DMD: variants seen among roughly 807,000 people sequenced by gnomAD.
The protein encoded by DMD is mutant dystrophin.
DMD carries 63 observed loss-of-function variants against 330.1 expected under a neutral mutation model. That is an observed-to-expected ratio of 0.19 (90% CI 0.16 to 0.24). The LOEUF is 0.24. Ranked by LOEUF, DMD falls within the 10% of genes least tolerant of loss-of-function variation. The probability of loss-of-function intolerance (pLI) is 1.00; values close to 1 mark genes in which losing one functional copy is unlikely to be tolerated. For synonymous variants in DMD, 1,223 were observed against 959.8 expected, an observed-to-expected ratio of 1.27 and a Z score of -5.07; for missense variants, 3,344 against 2,684.1, an observed-to-expected ratio of 1.25 and a Z score of -5.43.
intron 2 of DMD, among the ~76,000 whole-genome samples, chrX:32,976,192 G>T (rs2092544664): frequency 1.0e-5 from 1 of 98,309 alleles, no homozygotes; most frequent in African/African-American, 3.8e-5. Context: ...CTGCACTCCA[G>T]CTTTGGTAAT....
In DMD at chrX:32,951,381, T is replaced by C. The variant is rs190468623; in HGVS notation, c.93+68758A>G. Reference sequence around the variant, plus strand: ...TATAATTTTAAGGGGAAAATATCAATATTTGAAGAAAACAAGTGTGCTGGA... The same window carrying C: ...TATAATTTTAAGGGGAAAATATCAACATTTGAAGAAAACAAGTGTGCTGGA... On this transcript the variant is annotated intron_variant, in intron 2 of 78. Coordinates refer to ENST00000357033, the MANE Select transcript of DMD (RefSeq NM_004006.3). Among the ~76,000 whole-genome samples, 10 of 112,050 alleles carry C rather than the reference T, an allele frequency of 8.9e-5. No individual in the cohort carries two copies. In the East Asian group the frequency reaches 2.8e-3, roughly 32 times the overall value.
Position 31,120,890 on chromosome X carries a change from A to ATT in DMD, c.*1028_*1029insAA, listed in dbSNP as rs2032340175. 2 of 111,456 alleles carry ATT rather than the reference A, an allele frequency of 1.8e-5. No individual in the cohort carries two copies. Among genetic ancestry groups the ATT allele is most frequent in the African/African-American group, 6.6e-5 (2 of 30,391 alleles). The allele number at this position is 111,456 out of a possible 1,213,427, so 9.2% of individuals were successfully genotyped here. On this transcript the variant is annotated 3_prime_UTR_variant, in exon 79 of 79. Transcript: ENST00000357033. Reference sequence around the variant, plus strand: ...GTATCAATCAATCAATCAATCAACCAACCAACCGATTACTCACTCTGATAT... The same window carrying ATT: ...GTATCAATCAATCAATCAATCAACCATTACCAACCGATTACTCACTCTGATAT...
At chrX:31,865,036 T>G (rs2093774850) in intron 48 of DMD, among the ~76,000 whole-genome samples, 1 of 112,304 alleles carries the variant, frequency 8.9e-6, no homozygotes, top group Non-Finnish European at 1.9e-5. Flanking sequence ...GGATTCAAAC[T>G]TAGTCTTTTG....
intron 60 of DMD, among the ~76,000 whole-genome samples, chrX:31,414,779 C>T (rs1168794842): frequency 8.9e-6 from 1 of 112,080 alleles, no homozygotes; most frequent in African/African-American, 3.2e-5. Flanking sequence ...GGGATTTCTA[C>T]AATCCTTGGG....
At chrX:32,567,111 G>A (rs1021940023) in intron 15 of DMD, among the ~76,000 whole-genome samples, 5 of 111,505 alleles carry the variant, frequency 4.5e-5, no homozygotes, top group African/African-American at 1.6e-4. Context: ...CATGGCACCT[G>A]CATTGATAGC....
At chrX:31,719,043 TA>T (rs2085276539) in intron 52 of DMD, among the ~76,000 whole-genome samples, 3 of 111,735 alleles carry the variant, frequency 2.7e-5, no homozygotes, top group Non-Finnish European at 5.6e-5. Flanking sequence ...ACTAAAGAAA[TA>T]AAGGCCAAAG....
intron 48 of DMD, among the ~76,000 whole-genome samples, chrX:31,852,030 G>A (rs2093536383): frequency 9.0e-6 from 1 of 110,967 alleles, no homozygotes; most frequent in South Asian, 3.9e-4. Context: ...CAGGGTGAGT[G>A]GAATCTAGTG....
intron 7 of DMD, among the ~76,000 whole-genome samples, chrX:32,717,138 A>G (rs951999081): frequency 4.5e-5 from 5 of 111,815 alleles, no homozygotes; most frequent in East Asian, 2.8e-4. Context: ...GGAAATTTGC[A>G]TAAGTAAAAA....
At position 31,991,124 on chromosome X, in the gene DMD, C is replaced by T. The variant is rs111363988; in HGVS notation, c.6439-22610G>A. On this transcript the variant is annotated intron_variant, in intron 44 of 78. Coordinates refer to ENST00000357033, the MANE Select transcript of DMD (RefSeq NM_004006.3). ...TGCAAGAACACAGGGGGATTTATGACGCATAATATTGAGATTATATTAAAA... is the reference window on the plus strand; with the variant it reads ...TGCAAGAACACAGGGGGATTTATGATGCATAATATTGAGATTATATTAAAA... Among the ~76,000 whole-genome samples, 787 of 111,449 alleles carry T rather than the reference C, an allele frequency of 7.1e-3. 7 individuals are homozygous for T. Among genetic ancestry groups the T allele is most frequent in the African/African-American group, 0.02 (622 of 30,736 alleles).
chrX:31,371,990 T>C (rs192993830), intron 60 of DMD, among the ~76,000 whole-genome samples: 22 of 111,893 alleles, frequency 2.0e-4, no homozygotes, highest in Non-Finnish European at 3.2e-4. Flanking sequence ...AGAAAGTAGT[T>C]GTTAGAATTA....
intron 55 of DMD, among the ~76,000 whole-genome samples, chrX:31,528,456 T>C (rs1389019694): frequency 8.9e-6 from 1 of 111,803 alleles, no homozygotes; most frequent in Admixed American, 9.5e-5. Flanking sequence ...TACATACGTA[T>C]AGTCACATGG....
intron 30 of DMD, among the ~76,000 whole-genome samples, chrX:32,409,234 A>AT (rs2098132179): frequency 9.0e-6 from 1 of 111,566 alleles, no homozygotes; most frequent in Non-Finnish European, 1.9e-5. Context: ...ATGTATTACC[A>AT]TTGGGGAGAC....
At chrX:32,329,074 C>T (rs899790780) in intron 41 of DMD, among the ~76,000 whole-genome samples, 3 of 111,642 alleles carry the variant, frequency 2.7e-5, no homozygotes, top group Non-Finnish European at 5.6e-5. Flanking sequence ...AATACCTGCT[C>T]TGTGATAGAC....
chrX:32,855,060 A>G (rs2081431248), intron 2 of DMD, among the ~76,000 whole-genome samples: 1 of 112,199 alleles, frequency 8.9e-6, no homozygotes, highest in African/African-American at 3.2e-5. Flanking sequence ...TCGTATGAAC[A>G]GAATGAAGGA....
At position 32,796,073 on chromosome X, in the gene DMD, T is replaced by C. The variant is rs143538815; in HGVS notation, c.649+13420A>G. On this transcript the variant is annotated intron_variant, in intron 7 of 78. Coordinates refer to ENST00000357033, the MANE Select transcript of DMD (RefSeq NM_004006.3). ...AGAAGATTTCTCAAAAAACTAAACA[T>C]AGAAATAGAGTATGTGTCAGCAATG... is the stretch of plus-strand genomic sequence containing the variant. Among the ~76,000 whole-genome samples, 220 of 107,649 alleles carry C rather than the reference T, an allele frequency of 2.0e-3. 5 individuals are homozygous for C. The East Asian group carries it at 0.048, about 23-fold the overall frequency. 93.5% of individuals were successfully genotyped at this position (107,649 alleles called of 115,157 possible).
At chrX:31,242,698 A>ATGTGTGTG (rs1491232873) in intron 63 of DMD, among the ~76,000 whole-genome samples, 1 of 66,990 alleles carries the variant, frequency 1.5e-5, no homozygotes, top group Non-Finnish European at 2.8e-5. Flanking sequence ...CAACAATAAG[A>ATGTGTGTG]TATGTGTGTG....
chrX:31,502,518 A>G (rs1346480933), intron 56 of DMD, among the ~76,000 whole-genome samples: 2 of 111,247 alleles, frequency 1.8e-5, no homozygotes, highest in Admixed American at 9.6e-5. Flanking sequence ...GCACTCCCCA[A>G]TAGATTTATG....
chrX:31,768,991 C>T (rs1178477560), intron 51 of DMD, among the ~76,000 whole-genome samples: 1 of 111,903 alleles, frequency 8.9e-6, no homozygotes, highest in Non-Finnish European at 1.9e-5. Context: ...ATATAATTCA[C>T]TTAGTAAAAA....
At chrX:33,086,860 T>C (rs1337465323) in intron 1 of DMD, among the ~76,000 whole-genome samples, 1 of 109,849 alleles carries the variant, frequency 9.1e-6, no homozygotes, top group Non-Finnish European at 1.9e-5. Context: ...GGGGGTTTTG[T>C]TTGTCCAATA....
Sources: gnomAD v4.1 joint callset for allele counts (sites outside exome capture counted in the v4.1 genomes callset) on GRCh38, gnomAD v4.1.1 for gene constraint, MANE v1.5 for transcripts, NCBI Gene and HGNC (gene_info 2026-07-23, HGNC 2026-07-21) for gene names.